The following PTPRD variants were observed in gnomAD, a reference collection of about 807,000 sequenced individuals.
The protein encoded by PTPRD is protein tyrosine phosphatase receptor type D.
PTPRD carries 34 observed loss-of-function variants against 214.5 expected under a neutral mutation model. The observed-to-expected ratio is 0.16, with a 90% confidence interval of 0.12 to 0.21. The LOEUF (loss-of-function observed/expected upper bound fraction) is 0.21, where lower values mean the gene tolerates loss of function less well. Ranked by LOEUF, PTPRD falls within the 10% of genes least tolerant of loss-of-function variation. PTPRD has a pLI of 1.00. For missense variants in PTPRD, 2,545 were observed against 2,398.7 expected, an observed-to-expected ratio of 1.06 and a Z score of -1.27; for synonymous variants, 1,128 against 845.7, an observed-to-expected ratio of 1.33 and a Z score of -5.79.
chr9:10,169,028 T>C (rs1391004752), intron 3 of PTPRD, among the ~76,000 whole-genome samples: 1 of 152,066 alleles, frequency 6.6e-6, no homozygotes, highest in African/African-American at 2.4e-5. Context: ...ATCCTAAAAA[T>C]TGTCAGAAAC....
At chr9:8,882,741 C>T (rs368432239) in intron 11 of PTPRD, among the ~76,000 whole-genome samples, 16 of 151,862 alleles carry the variant, frequency 1.1e-4, no homozygotes, top group Admixed American at 5.9e-4. Flanking sequence ...AAAAATTAGC[C>T]GAGCATGGTG....
At chr9:8,382,596 C>T (rs2085461929) in intron 37 of PTPRD, among the ~76,000 whole-genome samples, 1 of 152,182 alleles carries the variant, frequency 6.6e-6, no homozygotes, top group Admixed American at 6.5e-5. Flanking sequence ...GGGATTCTTT[C>T]TCTTTTATCT....
intron 7 of PTPRD, among the ~76,000 whole-genome samples, chr9:9,600,629 T>A (rs2093677173): frequency 6.6e-6 from 1 of 152,074 alleles, no homozygotes; most frequent in Admixed American, 6.6e-5. Context: ...CTCCCCTACA[T>A]GGAGCTGGCA....
chr9:9,087,215 A>T (rs2099768328), intron 10 of PTPRD, among the ~76,000 whole-genome samples: 1 of 152,160 alleles, frequency 6.6e-6, no homozygotes, highest in Non-Finnish European at 1.5e-5. Context: ...CGTGTGAAAC[A>T]TCTACAGATT....
intron 6 of PTPRD, among the ~76,000 whole-genome samples, chr9:9,739,238 C>T (rs1424241923): frequency 1.3e-5 from 2 of 152,188 alleles, no homozygotes; most frequent in Non-Finnish European, 2.9e-5. Context: ...AGTGGTGATA[C>T]TGGGCATCCT....
chr9:10,158,428 T>C (rs1350231089), intron 3 of PTPRD, among the ~76,000 whole-genome samples: 1 of 152,240 alleles, frequency 6.6e-6, no homozygotes, highest in Non-Finnish European at 1.5e-5. Context: ...TTTGTAATAA[T>C]GAATTGCTCT....
At chr9:8,680,134 A>T (rs992123230) in intron 12 of PTPRD, among the ~76,000 whole-genome samples, 1 of 152,036 alleles carries the variant, frequency 6.6e-6, no homozygotes, top group African/African-American at 2.4e-5. Context: ...AATAATTTAT[A>T]TTATCTATTT....
intron 4 of PTPRD, among the ~76,000 whole-genome samples, chr9:10,001,631 A>T (rs187020406): frequency 7.2e-5 from 11 of 152,302 alleles, no homozygotes; most frequent in African/African-American, 2.2e-4. Context: ...AGACTATCAC[A>T]TAAGAATTCT....
chr9:9,573,109 A>T lies in PTPRD; in HGVS notation c.-237+1623T>A, dbSNP rs537181635. On this transcript the variant is annotated intron_variant, in intron 8 of 45. Coordinates refer to ENST00000381196, the MANE Select transcript of PTPRD (RefSeq NM_002839.4). ...TCTGGAAGCTACTTAAGTTACTATCAATATTAGAAAGGGTTAATAATTTGG... is the reference window on the plus strand; with the variant it reads ...TCTGGAAGCTACTTAAGTTACTATCTATATTAGAAAGGGTTAATAATTTGG... Among the ~76,000 whole-genome samples the T allele has an allele frequency of 2.0e-5, 3 of 151,856 alleles. No homozygotes were observed. The South Asian group carries it at 6.2e-4, about 32-fold the overall frequency.
chr9:8,946,866 A>T (rs1310071531), intron 11 of PTPRD, among the ~76,000 whole-genome samples: 1 of 149,374 alleles, frequency 6.7e-6, no homozygotes, highest in Non-Finnish European at 1.5e-5. Flanking sequence ...TCTCTATCCT[A>T]TTTCTTAAGT....
intron 2 of PTPRD, among the ~76,000 whole-genome samples, chr9:10,595,911 T>C (rs1215334404): frequency 1.3e-5 from 2 of 151,802 alleles, no homozygotes; most frequent in Non-Finnish European, 1.5e-5. Context: ...AAGACTGCGA[T>C]CTAAAAGAGA....
intron 11 of PTPRD, among the ~76,000 whole-genome samples, chr9:8,967,913 C>T (rs980770619): frequency 2.0e-5 from 3 of 152,030 alleles, no homozygotes; most frequent in Non-Finnish European, 2.9e-5. Context: ...CTCCCTCCAC[C>T]CCACGAGAGG....
intron 10 of PTPRD, among the ~76,000 whole-genome samples, chr9:9,054,133 T>C (rs931202185): frequency 2.6e-5 from 4 of 152,172 alleles, no homozygotes; most frequent in Admixed American, 1.3e-4. Flanking sequence ...TTTGCCTGCA[T>C]CATTGCATGT....
intron 2 of PTPRD, among the ~76,000 whole-genome samples, chr9:10,547,555 T>TA (rs1437039169): frequency 1.3e-5 from 2 of 152,126 alleles, no homozygotes; most frequent in African/African-American, 4.8e-5. Context: ...CCCTGACACC[T>TA]ACCTTACACA....
intron 5 of PTPRD, among the ~76,000 whole-genome samples, chr9:9,803,334 C>T (rs1188659509): frequency 6.6e-6 from 1 of 151,094 alleles, no homozygotes; most frequent in Admixed American, 6.6e-5. Flanking sequence ...TTATGAGAAA[C>T]ACAAAATTTT....
intron 4 of PTPRD, among the ~76,000 whole-genome samples, chr9:10,013,295 G>A (rs12375502): frequency 0.48 from 72,876 of 151,640 alleles, 20,860 homozygotes; most frequent in Middle Eastern, 0.66. Context: ...TAATGCTGGC[G>A]AAAGACAGTT....
chr9:9,418,536 T>G (rs1569568145), intron 8 of PTPRD, among the ~76,000 whole-genome samples: 1 of 152,022 alleles, frequency 6.6e-6, no homozygotes, highest in Non-Finnish European at 1.5e-5. Flanking sequence ...CCTTGCAACT[T>G]TTGAAAGCGA....
intron 44 of PTPRD, among the ~76,000 whole-genome samples, chr9:8,328,024 G>A (rs1041954020): frequency 1.3e-5 from 2 of 152,122 alleles, no homozygotes; most frequent in Admixed American, 6.5e-5. Context: ...TTACATTTAA[G>A]GTTAATAAGG....
intron 4 of PTPRD, among the ~76,000 whole-genome samples, chr9:10,027,786 T>C (rs561634636): frequency 6.6e-6 from 1 of 152,194 alleles, no homozygotes; most frequent in Non-Finnish European, 1.5e-5. Flanking sequence ...GATTGAAGTT[T>C]CCAGTAAAAG....
Sources: allele counts gnomAD v4.1 joint callset (sites outside exome capture counted in the v4.1 genomes callset), GRCh38; gene constraint gnomAD v4.1.1; transcripts MANE v1.5; gene names NCBI Gene and HGNC (gene_info 2026-07-23, HGNC 2026-07-21).